STARD13: variants seen among roughly 807,000 people sequenced by gnomAD.
The protein encoded by STARD13 is StAR related lipid transfer domain containing 13, also known as stAR-related lipid transfer protein 13.
In STARD13, 62 loss-of-function variants were observed where a neutral mutation model predicts 106.4. That is an observed-to-expected ratio of 0.58 (90% confidence interval 0.48 to 0.72). The LOEUF is 0.72. Ranked by LOEUF, STARD13 falls within the 30% of genes least tolerant of loss-of-function variation. The pLI, the probability that STARD13 is intolerant of heterozygous loss-of-function variation, is 0.00. For synonymous variants in STARD13, 565 were observed against 553.0 expected, an observed-to-expected ratio of 1.02 and a Z score of -0.31; for missense variants, 1,387 against 1,424.0, an observed-to-expected ratio of 0.97 and a Z score of 0.42.
At chr13:33,338,956 G>C (rs541634553) in intron 1 of STARD13, among the ~76,000 whole-genome samples, 1 of 151,464 alleles carries the variant, frequency 6.6e-6, no homozygotes, top group Non-Finnish European at 1.5e-5. Flanking sequence ...GAAGGAAATG[G>C]GTGGTTTCGG....
At chr13:33,409,142 A>T in the STARD13 span, among the ~76,000 whole-genome samples, 1 of 152,082 alleles carries the variant, frequency 6.6e-6, no homozygotes, top group Admixed American at 6.6e-5. Context: ...TTTACACTGT[A>T]TGTATCTCCA....
the STARD13 span, among the ~76,000 whole-genome samples, chr13:33,618,138 T>G: frequency 6.6e-6 from 1 of 152,232 alleles, no homozygotes; most frequent in Non-Finnish European, 1.5e-5. Context: ...GATAGGATAC[T>G]CTAAAATGAC....
the STARD13 span, among the ~76,000 whole-genome samples, chr13:33,429,494 A>C: frequency 6.6e-6 from 1 of 151,816 alleles, no homozygotes; most frequent in African/African-American, 2.4e-5. Flanking sequence ...ACTGCACTCC[A>C]GCCTGGGTGA....
intron 1 of STARD13, among the ~76,000 whole-genome samples, chr13:33,254,813 C>T (rs534230974): frequency 3.3e-5 from 5 of 152,148 alleles, no homozygotes; most frequent in Non-Finnish European, 7.3e-5. Context: ...ATCGTGTTCC[C>T]ACTCCAACCC....
chr13:33,330,585 C>T (rs890871835), intron 1 of STARD13, among the ~76,000 whole-genome samples: 4 of 152,104 alleles, frequency 2.6e-5, no homozygotes, highest in Admixed American at 2.6e-4. Flanking sequence ...TAAATATAGC[C>T]TTTTACGTCC....
At chr13:33,140,787 G>T (rs1163851995) in intron 4 of STARD13, among the ~76,000 whole-genome samples, 1 of 150,024 alleles carries the variant, frequency 6.7e-6, no homozygotes. Context: ...TTTTGAGGCG[G>T]AGTCTCTCTC....
chr13:33,356,776 G>C, the STARD13 span, among the ~76,000 whole-genome samples: 1 of 152,174 alleles, frequency 6.6e-6, no homozygotes, highest in Admixed American at 6.5e-5. Flanking sequence ...TTCCAGTCCA[G>C]CCAAATTCTG....
chr13:33,350,365 T>C, exon 1 of STARD13: 1 of 1,534,388 alleles, frequency 6.5e-7, no homozygotes, highest in Non-Finnish European at 8.7e-7. Context: ...AACTGCTCAC[T>C]GATGGATCTC....
Position 33,133,561 on chromosome 13 carries a change from A to G in STARD13, c.388-3272T>C, listed in dbSNP as rs966734562. On this transcript the variant is annotated intron_variant, in intron 4 of 13. Coordinates refer to ENST00000336934, the MANE Select transcript of STARD13 (RefSeq NM_178006.4). ...ATGGTTGTGTCTGTTTCTTTCACTA[A>G]TGATGGATATTTCAAACTATTTGAT... Among the ~76,000 whole-genome samples the G allele has an allele frequency of 2.6e-5, 4 of 152,124 alleles. No individual in the cohort carries two copies. In the East Asian group the frequency reaches 5.8e-4, roughly 22 times the overall value.
At chr13:33,535,546 C>T in the STARD13 span, among the ~76,000 whole-genome samples, 1 of 151,990 alleles carries the variant, frequency 6.6e-6, no homozygotes, top group East Asian at 1.9e-4. Context: ...GAAAGAAAAA[C>T]ATCAATTAAT....
chr13:33,178,352 A>G (rs527463747), intron 1 of STARD13, among the ~76,000 whole-genome samples: 41 of 152,374 alleles, frequency 2.7e-4, no homozygotes, highest in Admixed American at 4.6e-4. Flanking sequence ...TGGGTTAAAA[A>G]TAATAAATCC....
intron 12 of STARD13, among the ~76,000 whole-genome samples, chr13:33,108,307 A>G (rs1390717956): frequency 6.6e-6 from 1 of 152,090 alleles, no homozygotes; most frequent in African/African-American, 2.4e-5. Context: ...CTTGTATCCT[A>G]CACATAAGGA....
At chr13:33,113,209 T>A (rs1174574697) in intron 8 of STARD13, 2 of 471,020 alleles carry the variant, frequency 4.2e-6, no homozygotes, top group Non-Finnish European at 7.6e-6. Flanking sequence ...ACCATCCTGG[T>A]TTTCTGTATT....
At position 33,194,947 on chromosome 13, in the gene STARD13, A is replaced by C. The variant is rs757834625; in HGVS notation, c.170-27325T>G. ...TATGTTATGTGAACAGCAATCTTGC[A>C]GTGACTTCAAGGAAAAAGTTGTTTT... On this transcript the variant is annotated intron_variant, in intron 1 of 13. Transcript: ENST00000336934. 3.3e-4 allele frequency among the ~76,000 whole-genome samples: 50 copies of C among 152,398 alleles called. 1 individual carries two copies. Among genetic ancestry groups the C allele is most frequent in the Middle Eastern group, 3.4e-3 (1 of 294 alleles).
the STARD13 span, among the ~76,000 whole-genome samples, chr13:33,465,017 A>T: frequency 1.3e-5 from 2 of 151,976 alleles, no homozygotes; most frequent in Non-Finnish European, 2.9e-5. Flanking sequence ...AGCATCCTTG[A>T]TTCTTTCCTT....
the STARD13 span, among the ~76,000 whole-genome samples, chr13:33,628,150 C>A: frequency 1.4e-5 from 1 of 69,814 alleles, no homozygotes; most frequent in African/African-American, 7.2e-5. Context: ...TCTTGTAAAA[C>A]ACACACACAC....
the STARD13 span, among the ~76,000 whole-genome samples, chr13:33,604,488 A>G: frequency 2.0e-5 from 3 of 152,240 alleles, no homozygotes; most frequent in Non-Finnish European, 4.4e-5. Context: ...CTAGAAAAGA[A>G]TAGAATAACT....
At chr13:33,414,783 T>C in the STARD13 span, among the ~76,000 whole-genome samples, 1 of 152,152 alleles carries the variant, frequency 6.6e-6, no homozygotes, top group African/African-American at 2.4e-5. Flanking sequence ...CAAAACATTA[T>C]CAATGAGAGA....
chr13:33,633,363 T>C, the STARD13 span, among the ~76,000 whole-genome samples: 2 of 152,234 alleles, frequency 1.3e-5, no homozygotes, highest in Non-Finnish European at 2.9e-5. Flanking sequence ...ACTTCTGCCT[T>C]AGTCACAAGA....
Sources: gnomAD v4.1 joint callset for allele counts (sites outside exome capture counted in the v4.1 genomes callset) on GRCh38, gnomAD v4.1.1 for gene constraint, MANE v1.5 for transcripts, NCBI Gene and HGNC (gene_info 2026-07-23, HGNC 2026-07-21) for gene names.